Variants in SDK1 observed in about 807,000 individuals in gnomAD.
SDK1 encodes the protein protein sidekick-1.
SDK1 carries 157 observed loss-of-function variants against 245.5 expected under a neutral mutation model. The ratio of observed to expected loss-of-function variants is 0.64; its 90% CI spans 0.56 to 0.73. SDK1 has a LOEUF of 0.73. Among genes scored for constraint, SDK1 ranks in the 30% least tolerant of loss-of-function variants. The pLI is 0.00. For missense variants in SDK1, 3,583 were observed against 3,002.3 expected (o/e 1.19, Z -4.52); for synonymous variants, 1,647 against 1,278.5 (o/e 1.29, Z -6.15).
At chr7:3,583,068 G>C (rs192757963) in intron 1 of SDK1, among the ~76,000 whole-genome samples, 116 of 152,318 alleles carry the variant, frequency 7.6e-4, no homozygotes, top group African/African-American at 2.6e-3. Flanking sequence ...AGGGATGGGA[G>C]TAAAAGCATT....
At chr7:3,612,851 A>T (rs1235179994) in intron 1 of SDK1, among the ~76,000 whole-genome samples, 1 of 152,166 alleles carries the variant, frequency 6.6e-6, no homozygotes, top group Non-Finnish European at 1.5e-5. Flanking sequence ...TGATGGCTTA[A>T]TACAGCTCAT....
intron 1 of SDK1, among the ~76,000 whole-genome samples, chr7:3,558,783 T>C (rs1260275583): frequency 6.6e-6 from 1 of 152,250 alleles, no homozygotes; most frequent in East Asian, 1.9e-4. Context: ...TTCAGCAGAA[T>C]TTTTCTCCTC....
chr7:3,575,346 G>C (rs1486200450), intron 1 of SDK1, among the ~76,000 whole-genome samples: 1 of 151,932 alleles, frequency 6.6e-6, no homozygotes, highest in Admixed American at 6.6e-5. Flanking sequence ...CCCTCCCTTA[G>C]GACTTCTTCT....
intron 32 of SDK1, among the ~76,000 whole-genome samples, chr7:4,162,330 TG>T (rs1781187674): frequency 6.6e-6 from 1 of 151,246 alleles, no homozygotes; most frequent in Admixed American, 6.6e-5. Flanking sequence ...TCCCAAAGTC[TG>T]GGGGTGGGTG....
At chr7:3,862,620 C>G (rs79055492) in intron 5 of SDK1, among the ~76,000 whole-genome samples, 8,087 of 152,180 alleles carry the variant, frequency 0.053, 704 homozygotes, top group African/African-American at 0.18. Context: ...TAGTCAGTGA[C>G]TTTCACTTAG....
chr7:3,897,917 T>A (rs1176373524), intron 5 of SDK1, among the ~76,000 whole-genome samples: 1 of 152,188 alleles, frequency 6.6e-6, no homozygotes, highest in African/African-American at 2.4e-5. Flanking sequence ...CTTTGCTCTT[T>A]CTTTTCTCTC....
At chr7:3,701,034 C>T (rs777382755) in intron 4 of SDK1, among the ~76,000 whole-genome samples, 5 of 152,094 alleles carry the variant, frequency 3.3e-5, no homozygotes, top group Non-Finnish European at 7.4e-5. Context: ...GAACCAGTTG[C>T]CGCGCAGGGA....
intron 4 of SDK1, among the ~76,000 whole-genome samples, chr7:3,646,837 A>C (rs1427884027): frequency 6.6e-6 from 1 of 152,224 alleles, no homozygotes; most frequent in Admixed American, 6.5e-5. Context: ...ACTATGTTTA[A>C]TTAAAAATAG....
intron 1 of SDK1, among the ~76,000 whole-genome samples, chr7:3,381,495 C>A (rs953403671): frequency 6.6e-6 from 1 of 150,502 alleles, no homozygotes. Context: ...AGAGAGGGGG[C>A]GGGGAAGGGG....
At chr7:3,638,338 T>C (rs2128650793) in intron 2 of SDK1, among the ~76,000 whole-genome samples, 1 of 152,254 alleles carries the variant, frequency 6.6e-6, no homozygotes, top group African/African-American at 2.4e-5. Flanking sequence ...TGCACACGTA[T>C]GTTTATTGTG....
intron 22 of SDK1, among the ~76,000 whole-genome samples, chr7:4,108,633 G>C (rs932450123): frequency 1.3e-5 from 2 of 152,074 alleles, no homozygotes; most frequent in Non-Finnish European, 2.9e-5. Context: ...TATTTTGGCC[G>C]GTCATTCTAC....
intron 1 of SDK1, among the ~76,000 whole-genome samples, chr7:3,310,768 G>GT (rs1320024477): frequency 6.6e-6 from 1 of 152,208 alleles, no homozygotes; most frequent in Non-Finnish European, 1.5e-5. Context: ...ATAGCATACT[G>GT]TTTAAGAGGA....
At chr7:3,865,738 C>T (rs1780805272) in intron 5 of SDK1, among the ~76,000 whole-genome samples, 2 of 151,206 alleles carry the variant, frequency 1.3e-5, no homozygotes, top group South Asian at 4.2e-4. Flanking sequence ...TGGTCTGAAA[C>T]TCCTGGCCTC....
At position 4,265,075 on chromosome 7, in the gene SDK1, G is replaced by GGCCCTGCGCCCT. The variant is rs775826900; in HGVS notation, c.6382-41_6382-30dup. 1.6e-5 allele frequency: 24 copies of GGCCCTGCGCCCT among 1,513,282 alleles called. No homozygotes were observed. The African/African-American group carries it at 3.1e-4, about 20-fold the overall frequency. The allele number at this position is 1,513,282 out of a possible 1,614,324, so 93.7% of individuals were successfully genotyped here. A position where few individuals can be genotyped will look rare whatever the true frequency, so the allele number is the denominator to read the frequency against. ...CAGGCCTCCTGCCCAGCACGCTCCG[G>GGCCCTGCGCCCT]GCCCTGCGCCCTGCCCTGCACTCAC... On this transcript the variant is annotated intron_variant, in intron 44 of 44. Coordinates refer to ENST00000404826, the MANE Select transcript of SDK1 (RefSeq NM_152744.4).
At chr7:3,849,575 A>G (rs577516791) in intron 5 of SDK1, among the ~76,000 whole-genome samples, 70 of 152,338 alleles carry the variant, frequency 4.6e-4, no homozygotes, top group African/African-American at 1.3e-3. Context: ...AGAGAATATT[A>G]CAAGGAAATA....
intron 1 of SDK1, among the ~76,000 whole-genome samples, chr7:3,539,925 C>G (rs1050758054): frequency 6.6e-6 from 1 of 152,158 alleles, no homozygotes; most frequent in Non-Finnish European, 1.5e-5. Context: ...GGAGCTGTTG[C>G]CAGCTGCAGC....
chr7:4,247,584 G>A (rs776487318), intron 44 of SDK1, among the ~76,000 whole-genome samples: 1 of 152,340 alleles, frequency 6.6e-6, no homozygotes, highest in East Asian at 1.9e-4. Flanking sequence ...TCACAGCGCC[G>A]GCCTCGGGCC....
intron 4 of SDK1, among the ~76,000 whole-genome samples, chr7:3,710,584 T>C (rs1785019684): frequency 6.6e-6 from 1 of 151,582 alleles, no homozygotes; most frequent in Non-Finnish European, 1.5e-5. Flanking sequence ...TGTACTGTTT[T>C]ATCTCCTGTG....
intron 5 of SDK1, among the ~76,000 whole-genome samples, chr7:3,848,869 G>C (rs1001037397): frequency 6.6e-6 from 1 of 152,068 alleles, no homozygotes; most frequent in Non-Finnish European, 1.5e-5. Flanking sequence ...ACAGGGTTTC[G>C]CCATGTTGAC....
Sources: allele counts gnomAD v4.1 joint callset (sites outside exome capture counted in the v4.1 genomes callset), GRCh38; gene constraint gnomAD v4.1.1; transcripts MANE v1.5; gene names NCBI Gene and HGNC (gene_info 2026-07-23, HGNC 2026-07-21).